PGAP2: variants seen among roughly 807,000 people sequenced by gnomAD.
The protein encoded by PGAP2 is acyltransferase PGAP2.
PGAP2 carries 21 observed loss-of-function variants against 33.2 expected under a neutral mutation model. The observed-to-expected ratio is 0.63, with a 90% CI of 0.45 to 0.91. PGAP2 has a LOEUF of 0.91. Among genes scored for constraint, PGAP2 ranks in the 40% least tolerant of loss-of-function variants. PGAP2 has a pLI of 0.00. For missense variants in PGAP2, 345 were observed against 424.0 expected (o/e 0.81, Z 1.64); for synonymous variants, 161 against 172.9 (o/e 0.93, Z 0.54).
intron 3 of PGAP2, chr11:3,823,544 T>C: frequency 1.3e-6 from 2 of 1,508,960 alleles, no homozygotes; most frequent in South Asian, 2.4e-5. Flanking sequence ...CCCAGGGTCT[T>C]AGTGGAGGCA....
At position 3,811,147 on chromosome 11, in the gene PGAP2, C is replaced by G; in HGVS notation, c.-10-103C>G. 9.1e-7 allele frequency: 1 copy of G among 1,094,810 alleles called. No homozygotes were observed. The highest frequency in any genetic ancestry group is 1.6e-5 in the African/African-American group (1 of 64,016). 67.8% of individuals were successfully genotyped at this position (1,094,810 alleles called of 1,614,324 possible). ...GCCTTCCTCCTCAGACTCCCCACCC[C>G]ACAGCACACAGCTAATTTTAGGACT... On this transcript the variant is annotated intron_variant, in intron 1 of 6. Transcript: ENST00000278243. The surrounding 1 kb of genome is among the most constrained non-coding windows in gnomAD (Gnocchi z 4.6).
At chr11:3,806,715 T>C (rs1333133332), upstream of PGAP2, among the ~76,000 whole-genome samples, 1 of 152,190 alleles carries the variant, frequency 6.6e-6, no homozygotes, top group Non-Finnish European at 1.5e-5. Context: ...CTGTTTTCCA[T>C]TGTAAAATGA....
At chr11:3,823,676 T>G in intron 3 of PGAP2, 2 of 1,564,392 alleles carry the variant, frequency 1.3e-6, no homozygotes, top group South Asian at 1.1e-5. Context: ...AATCCCAGGA[T>G]AGCTGGGGAA....
chr11:3,802,654 AG>A (rs2083621881), intron 1 of PGAP2, among the ~76,000 whole-genome samples: 1 of 152,308 alleles, frequency 6.6e-6, no homozygotes, highest in Non-Finnish European at 1.5e-5. Context: ...TAAGGACTGC[AG>A]AATTGTGGAA....
intron 6 of PGAP2, 81 bp downstream of exon 6, chr11:3,825,209 T>G (rs1590445583): frequency 1.3e-6 from 2 of 1,561,282 alleles, no homozygotes; most frequent in Middle Eastern, 1.7e-4. Flanking sequence ...GCAATGGTCT[T>G]GGGGACTGGC....
At chr11:3,804,418 G>C (rs145953464), upstream of PGAP2, among the ~76,000 whole-genome samples, 285 of 152,200 alleles carry the variant, frequency 1.9e-3, 1 homozygote, top group African/African-American at 6.4e-3. Flanking sequence ...AGATCTTTGA[G>C]AAGAACAAGA....
intron 5 of PGAP2, chr11:3,824,655 GAGTT>G: frequency 1.4e-6 from 1 of 725,396 alleles, no homozygotes; most frequent in South Asian, 1.9e-5. Context: ...AGGCGGCAGT[GAGTT>G]AGGAACAGTG....
intron 1 of PGAP2, among the ~76,000 whole-genome samples, chr11:3,802,477 C>T (rs2083596068): frequency 6.6e-6 from 1 of 152,198 alleles, no homozygotes; most frequent in Non-Finnish European, 1.5e-5. Flanking sequence ...CCTTTTGGAG[C>T]CAAGCCCTGT....
At position 3,824,300 on chromosome 11, in the gene PGAP2, T is replaced by C. The variant is rs2089580071; in HGVS notation, c.632T>C (p.Ile211Thr). The change falls in exon 5 of 7, where the codon ATT becomes ACT. Residue 211 changes from isoleucine to threonine, a missense_variant. Physicochemically the swap from Ile to Thr is moderately conservative, Grantham distance 89 (BLOSUM62 -1). This residue lies in a region of PGAP2 where 311 missense variants were observed against 353.6 expected (regional missense o/e 0.88). Transcript: ENST00000278243. ...TIHENAFIVF[I>T]ASSLGHMLLT... The stretch of plus-strand genomic sequence containing the variant: ...CACGAAAATGCTTTCATTGTGTTCA[T>C]TGCCTCATCCCTCGGGCACATGCTC... 6.2e-7 allele frequency: 1 copy of C among 1,614,244 alleles called. No homozygotes were observed. Among genetic ancestry groups the C allele is most frequent in the Non-Finnish European group, 8.5e-7 (1 of 1,180,048 alleles).
At chr11:3,806,887 T>A (rs2134232752), upstream of PGAP2, among the ~76,000 whole-genome samples, 1 of 151,982 alleles carries the variant, frequency 6.6e-6, no homozygotes, top group Middle Eastern at 3.4e-3. Flanking sequence ...CCGGGCATGG[T>A]GGTGCCGCCT....
At chr11:3,804,080 C>T (rs1185588364), upstream of PGAP2, among the ~76,000 whole-genome samples, 2 of 152,180 alleles carry the variant, frequency 1.3e-5, no homozygotes, top group Non-Finnish European at 2.9e-5. Flanking sequence ...CATGAGCCAC[C>T]ATGCCCAGCC....
At chr11:3,824,698 C>A in intron 5 of PGAP2, 1 of 904,476 alleles carries the variant, frequency 1.1e-6, no homozygotes, top group East Asian at 2.7e-5. Context: ...ATAATTCCAG[C>A]GCCCCACCCA....
upstream of PGAP2, among the ~76,000 whole-genome samples, chr11:3,803,691 G>A (rs931966016): frequency 1.3e-5 from 2 of 152,182 alleles, no homozygotes; most frequent in African/African-American, 4.8e-5. Flanking sequence ...GCCTCCCAAA[G>A]TGTTGGGATT....
At chr11:3,823,024 C>CTTTCTTTT (rs2089206707) in intron 3 of PGAP2, 1 of 280,710 alleles carries the variant, frequency 3.6e-6, no homozygotes, top group Non-Finnish European at 5.8e-6. Flanking sequence ...TTTTTCTTTT[C>CTTTCTTTT]TTTTTTTTTT....
In PGAP2 at chr11:3,808,609, TG is replaced by T. The variant is rs1590191011; in HGVS notation, c.-50del. 7.5e-7 allele frequency: 1 copy of T among 1,326,202 alleles called. No individual in the cohort carries two copies. The allele number at this position is 1,326,202 out of a possible 1,614,324, so 82.2% of individuals were successfully genotyped here. On this transcript the variant is annotated 5_prime_UTR_variant, in exon 1 of 7. Transcript: ENST00000278243. The stretch of plus-strand genomic sequence containing the variant: ...AGCCAGCCCCCGACCCCGGGCCACC[TG>T]GGCCCCCGGGTTCCGCCGGCACTCT...
chr11:3,817,409 C>T lies in PGAP2; in HGVS notation c.222C>T (p.Thr74=). The part of the protein sequence containing the change: ...AASQPLDPDG[T]LFRLRFTAMV... ...CCCAGCCTTTGGACCCCGATGGGAC[C>T]TTGTTCCGGCTTCGCTTCACAGCCA... Residue 74 remains threonine, a synonymous_variant, in exon 3 of 7, where the codon ACC becomes ACT. Transcript: ENST00000278243. 3.7e-6 allele frequency: 6 copies of T among 1,614,200 alleles called. No homozygotes were observed. Among genetic ancestry groups the T allele is most frequent in the Non-Finnish European group, 5.1e-6 (6 of 1,180,032 alleles).
chr11:3,824,180 G>A (rs2089548774), intron 4 of PGAP2, 45 bp downstream of exon 4: 1 of 1,612,832 alleles, frequency 6.2e-7, no homozygotes, highest in Non-Finnish European at 8.5e-7. Context: ...TTCCCTGAGG[G>A]GACGGGCCTG....
In PGAP2 at chr11:3,825,640, TATGGGCGTGGG is replaced by T; in HGVS notation, c.*183_*193del. 3 of 580,788 alleles carry T rather than the reference TATGGGCGTGGG, an allele frequency of 5.2e-6. No individual in the cohort carries two copies. In the South Asian group the frequency reaches 6.5e-5, roughly 13 times the overall value. The allele number at this position is 580,788 out of a possible 1,614,324, so 36.0% of individuals were successfully genotyped here. On this transcript the variant is annotated 3_prime_UTR_variant, in exon 7 of 7. Coordinates refer to ENST00000278243, the MANE Select transcript of PGAP2 (RefSeq NM_014489.4). ...GCTGGCTTCTCCTCTCCACCCCTCA[TATGGGCGTGGG>T]GTCCTCAAACATCACCTTTACCTGA...
intron 1 of PGAP2, among the ~76,000 whole-genome samples, chr11:3,800,668 C>T (rs1278731032): frequency 2.6e-5 from 4 of 151,712 alleles, no homozygotes; most frequent in Admixed American, 6.6e-5. Flanking sequence ...AAAAATTAGC[C>T]GGGCGTGGTG....
Sources: allele counts gnomAD v4.1 joint callset (sites outside exome capture counted in the v4.1 genomes callset), GRCh38; gene constraint gnomAD v4.1.1; regional missense constraint gnomAD v4.1.1; non-coding constraint Gnocchi (gnomAD v3.1); transcripts MANE v1.5; gene names NCBI Gene and HGNC (gene_info 2026-07-23, HGNC 2026-07-21).